Variants in JARID2 observed in about 807,000 individuals in gnomAD.
The protein encoded by JARID2 is protein Jumonji.
Under a neutral mutation model 125.6 loss-of-function variants are expected in JARID2, and 21 were observed. That is an observed-to-expected ratio of 0.17 (90% CI 0.12 to 0.24). The LOEUF (loss-of-function observed/expected upper bound fraction) is 0.24. JARID2 is among the 10% of genes least tolerant of loss of function. The pLI is 1.00. For missense variants in JARID2, 1,303 were observed against 1,639.6 expected, an observed-to-expected ratio of 0.79 and a Z score of 3.55; for synonymous variants, 736 against 661.6, an observed-to-expected ratio of 1.11 and a Z score of -1.73.
intron 1 of JARID2, chr6:15,369,322 T>A: frequency 4.2e-6 from 2 of 473,038 alleles, no homozygotes; most frequent in Middle Eastern, 3.6e-4. Context: ...GTAAAAAAAA[T>A]TATGACCATA....
Position 15,246,326 on chromosome 6 carries a change from CT to C in JARID2, c.-212del. ...ACTAAAGTGAATTTTTTTTTGTTTG[CT>C]TCGTTCGTCTTTGGCTCTTTTTTTT... is the stretch of plus-strand genomic sequence containing the variant. On this transcript the variant is annotated 5_prime_UTR_variant, in exon 1 of 18. Transcript: ENST00000341776. 1.9e-6 allele frequency: 1 copy of C among 538,876 alleles called. No homozygotes were observed. Among genetic ancestry groups the C allele is most frequent in the Non-Finnish European group, 3.3e-6 (1 of 306,840 alleles). 33.4% of individuals were successfully genotyped at this position (538,876 alleles called of 1,614,324 possible).
At chr6:15,416,460 C>A (rs1020414559) in intron 3 of JARID2, among the ~76,000 whole-genome samples, 15 of 152,136 alleles carry the variant, frequency 9.9e-5, no homozygotes, top group Non-Finnish European at 1.5e-5. Context: ...CCGAGGCTGG[C>A]GGATCACTCG....
At chr6:15,301,863 G>C (rs1761636650) in intron 1 of JARID2, among the ~76,000 whole-genome samples, 1 of 152,234 alleles carries the variant, frequency 6.6e-6, no homozygotes, top group Non-Finnish European at 1.5e-5. Flanking sequence ...AATAGGGAAA[G>C]AGAACTACTT....
At chr6:15,386,750 G>A (rs1764803805) in intron 2 of JARID2, among the ~76,000 whole-genome samples, 1 of 152,272 alleles carries the variant, frequency 6.6e-6, no homozygotes, top group South Asian at 2.1e-4. Context: ...GTCTGAGAGT[G>A]TTGGGGACTG....
chr6:15,520,199 C>G lies in JARID2; in HGVS notation c.3689C>G (p.Pro1230Arg), dbSNP rs553561960. 6 of 1,613,532 alleles carry G rather than the reference C, an allele frequency of 3.7e-6. No homozygotes were observed. In the East Asian group the frequency reaches 6.7e-5, roughly 18 times the overall value. Reference protein sequence around the residue: ...PRKRATVDVPPSRLSASSSSK... With the variant: ...PRKRATVDVPRSRLSASSSSK... ...AAGAGAGCGACAGTGGACGTGCCCC[C>G]CTCCCGTCTGTCAGCCTCCAGTTCA... Residue 1230 changes from proline to arginine, a missense_variant, in exon 18 of 18, where the codon CCC becomes CGC. By Grantham distance (103) the Pro-to-Arg change is moderately radical. This residue lies in a region of JARID2 where 75 missense variants were observed against 66.0 expected (regional missense o/e 1.14). Coordinates refer to ENST00000341776, the MANE Select transcript of JARID2 (RefSeq NM_004973.4).
intron 5 of JARID2, among the ~76,000 whole-genome samples, chr6:15,469,322 CTCTCTCTCTCTCTCCTG>C (rs1296880828): frequency 1.9e-5 from 2 of 104,030 alleles, no homozygotes; most frequent in Non-Finnish European, 4.0e-5. Flanking sequence ...CTCTCTGTCT[CTCTCTCTCTCTCTCCTG>C]TCTCTCTCTC....
chr6:15,386,469 C>T (rs910303660), intron 2 of JARID2, among the ~76,000 whole-genome samples: 6 of 152,154 alleles, frequency 3.9e-5, no homozygotes, highest in African/African-American at 1.2e-4. Context: ...CCTCCTTCTC[C>T]CTTCAGTACA....
At chr6:15,339,538 CT>C (rs1217012038) in intron 1 of JARID2, among the ~76,000 whole-genome samples, 76 of 122,698 alleles carry the variant, frequency 6.2e-4, no homozygotes, top group East Asian at 1.1e-3. Context: ...ACCCGCCCTG[CT>C]TTTTTTTTTT....
At chr6:15,475,528 C>G (rs143536530) in intron 5 of JARID2, among the ~76,000 whole-genome samples, 49 of 152,306 alleles carry the variant, frequency 3.2e-4, no homozygotes, top group African/African-American at 1.0e-3. Flanking sequence ...ACCTGTTCTT[C>G]AACATAAACC....
At chr6:15,429,754 G>T (rs1043651722) in intron 3 of JARID2, among the ~76,000 whole-genome samples, 1 of 152,072 alleles carries the variant, frequency 6.6e-6, no homozygotes, top group Non-Finnish European at 1.5e-5. Context: ...CACGTTTTTG[G>T]TAGTGATACA....
intron 2 of JARID2, among the ~76,000 whole-genome samples, chr6:15,405,942 C>T (rs1180502878): frequency 6.6e-6 from 1 of 152,050 alleles, no homozygotes; most frequent in East Asian, 1.9e-4. Flanking sequence ...AATGTGGTAG[C>T]CAGTACAGTG....
intron 1 of JARID2, among the ~76,000 whole-genome samples, chr6:15,332,844 C>A (rs563060622): frequency 6.6e-6 from 1 of 151,988 alleles, no homozygotes; most frequent in South Asian, 2.1e-4. Flanking sequence ...AAGGTTCTTC[C>A]CGTATTCTTC....
intron 1 of JARID2, among the ~76,000 whole-genome samples, chr6:15,337,895 C>T (rs1034828066): frequency 6.6e-6 from 1 of 152,140 alleles, no homozygotes; most frequent in Non-Finnish European, 1.5e-5. Context: ...TTCCAAGCTT[C>T]AGGCAGAGGC....
intron 2 of JARID2, among the ~76,000 whole-genome samples, chr6:15,394,641 A>G (rs955227816): frequency 3.3e-5 from 5 of 152,222 alleles, no homozygotes; most frequent in Non-Finnish European, 5.9e-5. Context: ...TTCTTCTTGA[A>G]GAAACCTGAC....
rs1271569797 is a variant in JARID2, at chr6:15,496,537, C to T, written c.1312C>T (p.Arg438Trp). The T allele has an allele frequency of 3.7e-6, 6 of 1,608,030 alleles. No individual in the cohort carries two copies. The highest frequency in any genetic ancestry group is 4.2e-6 in the Non-Finnish European group (5 of 1,177,986). ...GGGCCTGCAGCTGCGGGAGGGGCTGCGGAACTCCAAGAGGAGACTGGAAGA... is the reference window on the plus strand; with the variant it reads ...GGGCCTGCAGCTGCGGGAGGGGCTGTGGAACTCCAAGAGGAGACTGGAAGA... Reference protein sequence around the residue: ...REGLQLREGLRNSKRRLEEAH... With the variant: ...REGLQLREGLWNSKRRLEEAH... Residue 438 changes from arginine (R) to tryptophan (W), a missense_variant, in exon 7 of 18, where the codon CGG becomes TGG. Around this residue, in one of 11 missense-constraint regions of JARID2, gnomAD observed 651 missense variants for 581.6 expected, o/e 1.12. Transcript: ENST00000341776.
At chr6:15,473,049 C>CATAA (rs1554141337) in intron 5 of JARID2, among the ~76,000 whole-genome samples, 2 of 151,828 alleles carry the variant, frequency 1.3e-5, no homozygotes, top group African/African-American at 4.8e-5. Context: ...TGTGAATACC[C>CATAA]GTGTTAGGAA....
intron 1 of JARID2, among the ~76,000 whole-genome samples, chr6:15,250,655 A>G (rs1241034049): frequency 3.3e-5 from 5 of 152,232 alleles, no homozygotes; most frequent in Admixed American, 6.5e-5. Flanking sequence ...ATTATTTTAC[A>G]GTAGGCTAAT....
intron 3 of JARID2, among the ~76,000 whole-genome samples, chr6:15,438,618 C>G (rs1008524070): frequency 2.2e-4 from 34 of 152,278 alleles, no homozygotes; most frequent in Non-Finnish European, 4.1e-4. Flanking sequence ...ATCCTTTAGG[C>G]AAATGTTATC....
intron 6 of JARID2, among the ~76,000 whole-genome samples, chr6:15,493,680 C>T (rs1770266467): frequency 6.6e-6 from 1 of 151,676 alleles, no homozygotes; most frequent in African/African-American, 2.4e-5. Context: ...CCCCACCAGC[C>T]TTTGTTGCTG....
Sources: allele counts gnomAD v4.1 joint callset (sites outside exome capture counted in the v4.1 genomes callset), GRCh38; gene constraint gnomAD v4.1.1; regional missense constraint gnomAD v4.1.1; transcripts MANE v1.5; gene names NCBI Gene and HGNC (gene_info 2026-07-23, HGNC 2026-07-21).